NCBP1: variants seen among roughly 807,000 people sequenced by gnomAD.
NCBP1 encodes the protein nuclear cap-binding protein subunit 1.
Under a neutral mutation model 111.7 loss-of-function variants are expected in NCBP1, and 16 were observed. The observed-to-expected ratio is 0.14, with a 90% CI of 0.10 to 0.22. NCBP1 has a LOEUF of 0.22. Among genes scored for constraint, NCBP1 ranks in the 10% least tolerant of loss-of-function variants. The probability of loss-of-function intolerance (pLI) is 1.00; values close to 1 mark genes in which losing one functional copy is unlikely to be tolerated. For missense variants in NCBP1, 607 were observed against 957.5 expected, an observed-to-expected ratio of 0.63 and a Z score of 4.83; for synonymous variants, 304 against 314.3, an observed-to-expected ratio of 0.97 and a Z score of 0.35.
chr9:97,642,940 TTTTA>T (rs1827241272), intron 3 of NCBP1, among the ~76,000 whole-genome samples: 1 of 152,160 alleles, frequency 6.6e-6, no homozygotes, highest in Non-Finnish European at 1.5e-5. Context: ...GTAGCATTAG[TTTTA>T]TTTATTTCAG....
intron 14 of NCBP1, among the ~76,000 whole-genome samples, chr9:97,656,829 T>C (rs1480525364): frequency 6.6e-6 from 1 of 152,208 alleles, no homozygotes; most frequent in African/African-American, 2.4e-5. Context: ...ACCACTCTCC[T>C]ACCTAGCCAG....
chr9:97,636,108 A>T (rs1331037317), intron 1 of NCBP1: 1 of 152,188 alleles, frequency 6.6e-6, no homozygotes, highest in Non-Finnish European at 1.5e-5. Context: ...TTGATATTTT[A>T]GTGTGGGAGA....
chr9:97,651,522 C>A, intron 10 of NCBP1, 149 bp downstream of exon 10: 1 of 723,866 alleles, frequency 1.4e-6, no homozygotes, highest in Non-Finnish European at 2.1e-6. Flanking sequence ...AAATTGCTGT[C>A]GGTTTTGGTG....
At chr9:97,641,772 C>T (rs1367275320) in intron 3 of NCBP1, 110 bp downstream of exon 3, 2 of 1,133,112 alleles carry the variant, frequency 1.8e-6, no homozygotes, top group Non-Finnish European at 2.3e-6. Flanking sequence ...CTTGGCTTTA[C>T]TTCTATGGGG....
At chr9:97,642,256 T>G (rs1827224675) in intron 3 of NCBP1, among the ~76,000 whole-genome samples, 1 of 152,132 alleles carries the variant, frequency 6.6e-6, no homozygotes, top group African/African-American at 2.4e-5. Context: ...AATGGAGTAG[T>G]ATTTACACTT....
chr9:97,653,451 C>G lies in NCBP1; in HGVS notation c.1060-347C>G, dbSNP rs180919138. Among the ~76,000 whole-genome samples the G allele has an allele frequency of 7.0e-3, 1,063 of 152,272 alleles. 6 individuals are homozygous for G. The highest frequency in any genetic ancestry group is 0.012 in the Non-Finnish European group (787 of 68,016). Reference sequence around the variant, plus strand: ...GTTCTTGTTATTTATAGGAATGAAACTGTCATGGATCTTTTGAGCCCCTCA... The same window carrying G: ...GTTCTTGTTATTTATAGGAATGAAAGTGTCATGGATCTTTTGAGCCCCTCA... On this transcript the variant is annotated intron_variant, in intron 10 of 22. Transcript: ENST00000375147.
chr9:97,636,819 A>G (rs1310905113), intron 1 of NCBP1, among the ~76,000 whole-genome samples: 3 of 151,900 alleles, frequency 2.0e-5, no homozygotes, highest in South Asian at 4.1e-4. Context: ...ATATAGTGAC[A>G]GGCGCTATGG....
intron 15 of NCBP1, 134 bp from the exon 16 acceptor site, chr9:97,660,812 T>C (rs1827813482): frequency 9.6e-7 from 1 of 1,047,072 alleles, no homozygotes. Flanking sequence ...TGATTAAATA[T>C]TGACCTTGGG....
chr9:97,659,271 TG>T, intron 15 of NCBP1, among the ~76,000 whole-genome samples: 1 of 152,262 alleles, frequency 6.6e-6, no homozygotes, highest in East Asian at 1.9e-4. Flanking sequence ...TATACATTGT[TG>T]ATCACTGGTA....
intron 10 of NCBP1, among the ~76,000 whole-genome samples, chr9:97,652,148 T>C (rs111850984): frequency 0.12 from 17,966 of 152,098 alleles, 3,017 homozygotes; most frequent in African/African-American, 0.37. Flanking sequence ...GAACTACAGG[T>C]GCACACCACC....
At chr9:97,636,535 TAA>T (rs1266823209) in intron 1 of NCBP1, among the ~76,000 whole-genome samples, 5 of 144,734 alleles carry the variant, frequency 3.5e-5, no homozygotes, top group East Asian at 2.0e-4. Context: ...ATATATTATA[TAA>T]GTTTGTTTAT....
intron 4 of NCBP1, among the ~76,000 whole-genome samples, chr9:97,644,374 G>A (rs1401241796): frequency 6.6e-6 from 1 of 152,116 alleles, no homozygotes; most frequent in Non-Finnish European, 1.5e-5. Context: ...TGCCTAGACT[G>A]CCCTCCTTGC....
chr9:97,670,901 T>C (rs1369536137), intron 22 of NCBP1, among the ~76,000 whole-genome samples, 185 bp from the exon 23 acceptor site: 1 of 152,196 alleles, frequency 6.6e-6, no homozygotes, highest in South Asian at 2.1e-4. Context: ...ATCCATTTTT[T>C]TCATTTCCCT....
intron 1 of NCBP1, among the ~76,000 whole-genome samples, chr9:97,637,902 G>A (rs898723241): frequency 1.2e-4 from 18 of 152,162 alleles, no homozygotes; most frequent in Non-Finnish European, 2.2e-4. Flanking sequence ...GGTTTATTAA[G>A]ATCCTTTCAG....
chr9:97,639,599 C>T (rs1003858407), intron 1 of NCBP1, among the ~76,000 whole-genome samples: 1 of 152,144 alleles, frequency 6.6e-6, no homozygotes, highest in South Asian at 2.1e-4. Flanking sequence ...CGATTCCCTG[C>T]ACAGTTACAG....
At chr9:97,663,609 C>T (rs530845008) in intron 18 of NCBP1, among the ~76,000 whole-genome samples, 3 of 151,896 alleles carry the variant, frequency 2.0e-5, no homozygotes, top group South Asian at 2.1e-4. Flanking sequence ...CTCAGCCTCC[C>T]GAGTAGCTGG....
At chr9:97,652,967 C>T (rs1259218421) in intron 10 of NCBP1, among the ~76,000 whole-genome samples, 11 of 151,944 alleles carry the variant, frequency 7.2e-5, no homozygotes. Flanking sequence ...AGGTGGTCCA[C>T]CAATTATACA....
chr9:97,666,431 A>T (rs1349542242), intron 19 of NCBP1, among the ~76,000 whole-genome samples: 1 of 152,216 alleles, frequency 6.6e-6, no homozygotes, highest in Non-Finnish European at 1.5e-5. Context: ...GGAGAGGAAA[A>T]ATGTATTTCC....
intron 6 of NCBP1, among the ~76,000 whole-genome samples, chr9:97,645,972 T>G (rs1827323746): frequency 1.3e-5 from 2 of 152,230 alleles, no homozygotes; most frequent in African/African-American, 4.8e-5. Context: ...TTTATATGTT[T>G]GTTTATAAAA....
Sources: gnomAD v4.1 joint callset for allele counts (sites outside exome capture counted in the v4.1 genomes callset) on GRCh38, gnomAD v4.1.1 for gene constraint, MANE v1.5 for transcripts, NCBI Gene and HGNC (gene_info 2026-07-23, HGNC 2026-07-21) for gene names.